RNF220: variants seen among roughly 807,000 people sequenced by gnomAD.
The protein encoded by RNF220 is E3 ubiquitin-protein ligase RNF220.
Under a neutral mutation model 67.1 loss-of-function variants are expected in RNF220, and 7 were observed. The observed-to-expected ratio is 0.10, with a 90% CI of 0.06 to 0.20. RNF220 has a LOEUF of 0.20. RNF220 is among the 10% of genes least tolerant of loss of function. RNF220 has a pLI of 1.00. For missense variants in RNF220, 565 were observed against 740.3 expected, an observed-to-expected ratio of 0.76 and a Z score of 2.75; for synonymous variants, 270 against 283.2, an observed-to-expected ratio of 0.95 and a Z score of 0.47.
At chr1:44,407,193 G>T (rs1464862367) in intron 1 of RNF220, among the ~76,000 whole-genome samples, 1 of 152,118 alleles carries the variant, frequency 6.6e-6, no homozygotes, top group Non-Finnish European at 1.5e-5. Context: ...GAGGGGGAGA[G>T]CACCGCACTC....
intron 2 of RNF220, among the ~76,000 whole-genome samples, chr1:44,448,580 A>G (rs4660276): frequency 0.016 from 2,494 of 152,346 alleles, 42 homozygotes; most frequent in South Asian, 0.055. Context: ...TGATGCTTTT[A>G]TAGACTTTTA....
Position 44,552,157 on chromosome 1 carries a change from A to G in RNF220, c.626-62008A>G, listed in dbSNP as rs191906922. On this transcript the variant is annotated intron_variant, in intron 2 of 14. Transcript: ENST00000361799. ...CTCCGCAGCAGGCTCAGAACTTGTG[A>G]GCAGGAAAACTCCAGATCCTCACAA... Among the ~76,000 whole-genome samples the G allele has an allele frequency of 3.2e-3, 480 of 152,310 alleles. 4 individuals carry two copies. Among genetic ancestry groups the G allele is most frequent in the Non-Finnish European group, 3.2e-3 (215 of 68,024 alleles).
At chr1:44,623,989 A>T (rs2148452904) in intron 4 of RNF220, among the ~76,000 whole-genome samples, 1 of 152,334 alleles carries the variant, frequency 6.6e-6, no homozygotes, top group East Asian at 1.9e-4. Flanking sequence ...CATGGGGTAG[A>T]CCCAAATACC....
intron 2 of RNF220, among the ~76,000 whole-genome samples, chr1:44,424,327 TG>T (rs1371771211): frequency 6.6e-6 from 1 of 151,202 alleles, no homozygotes; most frequent in African/African-American, 2.4e-5. Flanking sequence ...GGGATGGGGG[TG>T]GGGTGAAGAA....
intron 2 of RNF220, among the ~76,000 whole-genome samples, chr1:44,485,296 G>A (rs1426876559): frequency 1.3e-5 from 2 of 152,052 alleles, no homozygotes; most frequent in Non-Finnish European, 1.5e-5. Context: ...AATCTCCTGC[G>A]CCCTGAAAGG....
At chr1:44,420,767 A>T (rs1311863201) in intron 2 of RNF220, among the ~76,000 whole-genome samples, 1 of 152,178 alleles carries the variant, frequency 6.6e-6, no homozygotes, top group Non-Finnish European at 1.5e-5. Flanking sequence ...GCAAAATGGG[A>T]GTTATACAGA....
chr1:44,481,731 G>A (rs1394716879), intron 2 of RNF220, among the ~76,000 whole-genome samples: 1 of 152,242 alleles, frequency 6.6e-6, no homozygotes, highest in Non-Finnish European at 1.5e-5. Context: ...TGGAGAGGAT[G>A]TGGAATCAAG....
intron 2 of RNF220, among the ~76,000 whole-genome samples, chr1:44,476,711 G>A (rs1163403246): frequency 1.3e-5 from 2 of 152,216 alleles, no homozygotes; most frequent in African/African-American, 4.8e-5. Flanking sequence ...TTGTGGGCTT[G>A]CAACCATCAG....
intron 2 of RNF220, among the ~76,000 whole-genome samples, chr1:44,587,155 T>TC (rs1436754361): frequency 4.7e-5 from 7 of 148,442 alleles, no homozygotes; most frequent in Admixed American, 3.3e-4. Flanking sequence ...CTTTTTTTTT[T>TC]TTTTTTTTTT....
intron 2 of RNF220, among the ~76,000 whole-genome samples, chr1:44,575,459 T>C (rs1558057575): frequency 6.6e-6 from 1 of 152,092 alleles, no homozygotes; most frequent in Non-Finnish European, 1.5e-5. Flanking sequence ...AGTGCTGCAA[T>C]AAACATGGGA....
Position 44,636,090 on chromosome 1 carries a change from C to T in RNF220, c.1054C>T (p.Arg352Cys). The change falls in exon 8 of 15, where the codon CGC becomes TGC. Residue 352 changes from arginine (R) to cysteine (C), a missense_variant. Coordinates refer to ENST00000361799, the MANE Select transcript of RNF220 (RefSeq NM_018150.4). ...GGACATCGAGCATGAGAACAACAAC[C>T]GCTTTGAGGAGTATGAGTGGTGTGG... ...AVDIEHENNN[R>C]FEEYEWCGQK... 1 of 1,614,208 alleles carries T rather than the reference C, an allele frequency of 6.2e-7. No individual in the cohort carries two copies. Among genetic ancestry groups the T allele is most frequent in the Admixed American group, 1.7e-5 (1 of 60,030 alleles).
rs1372554912 is a variant in RNF220 at position 44,651,037 on chromosome 1, G to A, written c.*262G>A. 5.9e-6 allele frequency: 3 copies of A among 507,888 alleles called. No individual in the cohort carries two copies. Among genetic ancestry groups the A allele is most frequent in the African/African-American group, 5.8e-5 (3 of 51,746 alleles). 31.5% of individuals were successfully genotyped at this position (507,888 alleles called of 1,614,324 possible). Reference sequence around the variant, plus strand: ...GTTCCAGCTCTGTTCCCAGGGTGGGGCAGGGAGGTGGGGGTTGGGGGAGTA... The same window carrying A: ...GTTCCAGCTCTGTTCCCAGGGTGGGACAGGGAGGTGGGGGTTGGGGGAGTA... On this transcript the variant is annotated 3_prime_UTR_variant, in exon 15 of 15. Coordinates refer to ENST00000361799, the MANE Select transcript of RNF220 (RefSeq NM_018150.4).
intron 1 of RNF220, among the ~76,000 whole-genome samples, chr1:44,407,603 C>T (rs1488279453): frequency 6.6e-6 from 1 of 152,012 alleles, no homozygotes; most frequent in African/African-American, 2.4e-5. Flanking sequence ...CCGACAGGGC[C>T]GGGGCCGGGC....
intron 2 of RNF220, among the ~76,000 whole-genome samples, chr1:44,424,720 G>A (rs1391575400): frequency 6.6e-6 from 1 of 152,158 alleles, no homozygotes; most frequent in Non-Finnish European, 1.5e-5. Context: ...TCCTCGGATT[G>A]CCTCCCTCTG....
At position 44,645,259 on chromosome 1, in the gene RNF220, C is replaced by T. The variant is rs1243741684; in HGVS notation, c.1349C>T (p.Ser450Phe). The change falls in exon 11 of 15, where the codon TCT (serine) becomes TTT (phenylalanine). Residue 450 changes from serine (S) to phenylalanine (F), a missense_variant. By Grantham distance (155) the Ser-to-Phe change is radical. Coordinates refer to ENST00000361799, the MANE Select transcript of RNF220 (RefSeq NM_018150.4). The surrounding 1 kb of genome is among the most constrained non-coding windows in gnomAD (Gnocchi z 5.0). ...PPSTRITPEF[S>F]KWASDEMPST... is the part of the protein sequence containing the mutation. ...AGCACGCGCATCACACCTGAGTTCT[C>T]TAAATGGGCCAGTGATGGTAAGTCC... 3 of 1,614,068 alleles carry T rather than the reference C, an allele frequency of 1.9e-6. No individual in the cohort carries two copies. The South Asian group carries it at 3.3e-5, about 18-fold the overall frequency.
At chr1:44,426,304 G>A (rs1285212287) in intron 2 of RNF220, among the ~76,000 whole-genome samples, 4 of 152,190 alleles carry the variant, frequency 2.6e-5, no homozygotes, top group Non-Finnish European at 5.9e-5. Flanking sequence ...TGCAAGAATA[G>A]CCATGCTTTA....
At chr1:44,468,243 G>A (rs926785412) in intron 2 of RNF220, among the ~76,000 whole-genome samples, 1 of 152,026 alleles carries the variant, frequency 6.6e-6, no homozygotes, top group African/African-American at 2.4e-5. Context: ...TGCCTGTACC[G>A]GTGAAAGGTG....
intron 2 of RNF220, among the ~76,000 whole-genome samples, chr1:44,557,154 A>AAT (rs1371369183): frequency 6.8e-6 from 1 of 146,386 alleles, no homozygotes; most frequent in Non-Finnish European, 1.5e-5. Flanking sequence ...ATGTATATAT[A>AAT]ATATATATAC....
At chr1:44,641,730 CA>C (rs1280268682) in intron 8 of RNF220, among the ~76,000 whole-genome samples, 1 of 152,110 alleles carries the variant, frequency 6.6e-6, no homozygotes, top group Non-Finnish European at 1.5e-5. Context: ...TGGGGCAGCA[CA>C]AGAGTGAAAT....
Sources: gnomAD v4.1 joint callset for allele counts (sites outside exome capture counted in the v4.1 genomes callset) on GRCh38, gnomAD v4.1.1 for gene constraint, Gnocchi (gnomAD v3.1) non-coding constraint, MANE v1.5 for transcripts, NCBI Gene and HGNC (gene_info 2026-07-23, HGNC 2026-07-21) for gene names.